PHF19: variants seen among roughly 807,000 people sequenced by gnomAD.
PHF19 encodes the protein PHD finger protein 19, also known as polycomb like 3.
In PHF19, 21 loss-of-function variants were observed where a neutral mutation model predicts 79.8. The ratio of observed to expected loss-of-function variants is 0.26; its 90% confidence interval spans 0.19 to 0.38. The LOEUF is 0.38. Ranked by LOEUF, PHF19 falls within the 10% of genes least tolerant of loss-of-function variation. The pLI, the probability that PHF19 is intolerant of heterozygous loss-of-function variation, is 1.00. For synonymous variants in PHF19, 273 were observed against 296.3 expected, an observed-to-expected ratio of 0.92 and a Z score of 0.81; for missense variants, 445 against 744.2, an observed-to-expected ratio of 0.60 and a Z score of 4.68.
Position 120,862,790 on chromosome 9 carries a change from C to A in PHF19, c.969-41G>T. ...GGGAGGAAGAAGCTCTGGAGTCTGT[C>A]AGTCCATCCTCCTGGGGAGTGGGGT... On this transcript the variant is annotated intron_variant, in intron 10 of 14. Coordinates refer to ENST00000373896, the MANE Select transcript of PHF19 (RefSeq NM_015651.3). The surrounding 1 kb of genome is among the most constrained non-coding windows in gnomAD (Gnocchi z 4.6). The A allele has an allele frequency of 6.3e-7, 1 of 1,599,746 alleles. No individual in the cohort carries two copies. The highest frequency in any genetic ancestry group is 1.1e-5 in the South Asian group (1 of 90,478).
In PHF19 at chr9:120,858,133, G is replaced by A. The variant is rs373609424; in HGVS notation, c.1554C>T (p.Asp518=). The A allele has an allele frequency of 1.9e-6, 3 of 1,613,976 alleles. No homozygotes were observed. The highest frequency in any genetic ancestry group is 2.5e-6 in the Non-Finnish European group (3 of 1,179,828). Residue 518 remains aspartate (D), a synonymous_variant, in exon 15 of 15, where the codon GAC becomes GAT. Coordinates refer to ENST00000373896, the MANE Select transcript of PHF19 (RefSeq NM_015651.3). ...CACTGATGCTCTCAAATGTGTGGCT[G>A]TCAATGCCTTCGTCTGGCCGCTCGG... ...SVPERPDEGI[D]SHTFESISED... is the part of the protein sequence containing the mutation.
In PHF19 at chr9:120,858,265, C is replaced by T; in HGVS notation, c.1422G>A (p.Lys474=). Reference sequence around the variant, plus strand: ...TGTATGCCTTGGCTGCCAGCTTCCTCTTTCGGCTGCCCACTGTCCATCTGT... The same window carrying T: ...TGTATGCCTTGGCTGCCAGCTTCCTTTTTCGGCTGCCCACTGTCCATCTGT... ...YDSRWTVGSR[K]RKLAAKAYMP... Residue 474 remains lysine, a synonymous_variant, in exon 15 of 15, where the codon AAG becomes AAA. Transcript: ENST00000373896. 6.5e-7 allele frequency: 1 copy of T among 1,541,062 alleles called. No individual in the cohort carries two copies. The highest frequency in any genetic ancestry group is 1.2e-5 in the South Asian group (1 of 80,554).
At chr9:120,858,810 A>ATC (rs1554816143) in intron 14 of PHF19, among the ~76,000 whole-genome samples, 1 of 62,084 alleles carries the variant, frequency 1.6e-5, no homozygotes, top group African/African-American at 5.3e-5. Context: ...ACTGACAGAC[A>ATC]TCACACACAC....
intron 1 of PHF19, among the ~76,000 whole-genome samples, chr9:120,889,084 A>G (rs1414137144): frequency 6.6e-6 from 1 of 152,206 alleles, no homozygotes; most frequent in Non-Finnish European, 1.5e-5. Flanking sequence ...GATGCTGGAC[A>G]GATCATAAGT....
chr9:120,857,487 T>C lies in PHF19; in HGVS notation c.*457A>G, dbSNP rs2131464888. Reference sequence around the variant, plus strand: ...CCCATGCTCTCTCAAAGGTGCCTGTTATGTAGTCCCTGGGAGGACTGGCTG... The same window carrying C: ...CCCATGCTCTCTCAAAGGTGCCTGTCATGTAGTCCCTGGGAGGACTGGCTG... On this transcript the variant is annotated 3_prime_UTR_variant, in exon 15 of 15. Transcript: ENST00000373896. 1 of 157,698 alleles carries C rather than the reference T, an allele frequency of 6.3e-6. No homozygotes were observed. The highest frequency in any genetic ancestry group is 1.9e-4 in the East Asian group (1 of 5,344). 9.8% of individuals were successfully genotyped at this position (157,698 alleles called of 1,614,324 possible). A position where few individuals can be genotyped will look rare whatever the true frequency, so the allele number is the denominator to read the frequency against.
At chr9:120,878,522 C>G (rs186670789), upstream of PHF19, among the ~76,000 whole-genome samples, 2 of 152,320 alleles carry the variant, frequency 1.3e-5, no homozygotes, top group African/African-American at 4.8e-5. Context: ...CAGCACCTTC[C>G]CCCAGAGCCT....
chr9:120,870,154 T>G lies in PHF19; in HGVS notation c.365-209A>C, dbSNP rs78392985. 0.095 allele frequency among the ~76,000 whole-genome samples: 14,492 copies of G among 151,990 alleles called. 887 individuals carry two copies. Among genetic ancestry groups the G allele is most frequent in the African/African-American group, 0.17 (6,973 of 41,402 alleles). ...TGACAGCATTGGCCAGTTGTGGGGT[T>G]GGGGGGGACACAGGAAGGTCTGACT... is the stretch of plus-strand genomic sequence containing the variant. On this transcript the variant is annotated intron_variant, in intron 4 of 14. Coordinates refer to ENST00000373896, the MANE Select transcript of PHF19 (RefSeq NM_015651.3). The surrounding 1 kb of genome is among the most constrained non-coding windows in gnomAD (Gnocchi z 4.4).
rs371289334 is a variant in PHF19 at position 120,874,064 on chromosome 9, G to C, written c.187-4C>G. 1.3e-5 allele frequency: 20 copies of C among 1,569,158 alleles called. No homozygotes were observed. The African/African-American group carries it at 2.4e-4, about 19-fold the overall frequency. ...AGCTTTGCTTAGAGCTGCTGACCTG[G>C]GGTACAGATAGGAAGGAGCAAGTGA... On this transcript the variant is annotated splice_polypyrimidine_tract_variant and splice_region_variant and intron_variant, in intron 2 of 14. Coordinates refer to ENST00000373896, the MANE Select transcript of PHF19 (RefSeq NM_015651.3). This position sits in a 1 kb window ranked among gnomAD's most constrained non-coding sequence, Gnocchi z 4.5.
chr9:120,870,157 G>C lies in PHF19; in HGVS notation c.365-212C>G, dbSNP rs2045852358. Among the ~76,000 whole-genome samples, 1 of 152,102 alleles carries C rather than the reference G, an allele frequency of 6.6e-6. No individual in the cohort carries two copies. Among genetic ancestry groups the C allele is most frequent in the South Asian group, 2.1e-4 (1 of 4,830 alleles). ...CAGCATTGGCCAGTTGTGGGGTTGG[G>C]GGGGACACAGGAAGGTCTGACTTCA... On this transcript the variant is annotated intron_variant, in intron 4 of 14. Coordinates refer to ENST00000373896, the MANE Select transcript of PHF19 (RefSeq NM_015651.3). The surrounding 1 kb of genome is among the most constrained non-coding windows in gnomAD (Gnocchi z 4.4).
upstream of PHF19, chr9:120,877,452 C>T (rs938364288): frequency 2.4e-5 from 17 of 715,966 alleles, no homozygotes; most frequent in African/African-American, 3.3e-4. Flanking sequence ...CCCCCGCCCG[C>T]CCCGCGGGCG....
chr9:120,881,514 A>G (rs2046184931), upstream of PHF19, among the ~76,000 whole-genome samples: 1 of 152,144 alleles, frequency 6.6e-6, no homozygotes, highest in South Asian at 2.1e-4. Context: ...TGAGGCAAGT[A>G]TGACCAAGTG....
intron 9 of PHF19, among the ~76,000 whole-genome samples, chr9:120,865,008 T>A (rs767962627): frequency 1.4e-4 from 22 of 152,212 alleles, no homozygotes; most frequent in Non-Finnish European, 2.6e-4. Flanking sequence ...TTTTAAGGTT[T>A]TATAATATCT....
chr9:120,883,858 G>A (rs750388674), intron 1 of PHF19, among the ~76,000 whole-genome samples: 3 of 151,894 alleles, frequency 2.0e-5, no homozygotes, highest in Admixed American at 6.6e-5. Context: ...GGAGGGTGTC[G>A]AGACAAGGAG....
Position 120,870,681 on chromosome 9 carries a change from T to C in PHF19, c.269-143A>G. On this transcript the variant is annotated intron_variant, in intron 3 of 14. Transcript: ENST00000373896. This position sits in a 1 kb window ranked among gnomAD's most constrained non-coding sequence, Gnocchi z 4.4. The stretch of plus-strand genomic sequence containing the variant: ...CCTCACTGAATCTCCCCAACCACTC[T>C]GAGATGCCTATCATCATTACCATTC... 1 of 612,016 alleles carries C rather than the reference T, an allele frequency of 1.6e-6. No homozygotes were observed. Among genetic ancestry groups the C allele is most frequent in the South Asian group, 1.9e-5 (1 of 52,308 alleles). 37.9% of individuals were successfully genotyped at this position (612,016 alleles called of 1,614,324 possible).
chr9:120,886,689 C>A (rs2046268474), intron 1 of PHF19, among the ~76,000 whole-genome samples: 2 of 152,198 alleles, frequency 1.3e-5, no homozygotes, highest in Admixed American at 1.3e-4. Flanking sequence ...AGTCACCGCC[C>A]TCTGGCAGAG....
upstream of PHF19, among the ~76,000 whole-genome samples, chr9:120,878,490 T>C (rs1014308302): frequency 6.6e-6 from 1 of 152,140 alleles, no homozygotes; most frequent in African/African-American, 2.4e-5. Flanking sequence ...GGATATGTGC[T>C]TTCATGGGTG....
Position 120,870,383 on chromosome 9 carries a change from GGC to G in PHF19, c.364+58_364+59del. 1 of 1,027,992 alleles carries G rather than the reference GGC, an allele frequency of 9.7e-7. No homozygotes were observed. Among genetic ancestry groups the G allele is most frequent in the Non-Finnish European group, 1.5e-6 (1 of 651,908 alleles). 63.7% of individuals were successfully genotyped at this position (1,027,992 alleles called of 1,614,324 possible). ...ACAGGCTGCAGCAGTACCCGTCAGG[GGC>G]CAGTGCGTGGGGACCTATAGGTCGG... On this transcript the variant is annotated intron_variant, in intron 4 of 14. Coordinates refer to ENST00000373896, the MANE Select transcript of PHF19 (RefSeq NM_015651.3). This position sits in a 1 kb window ranked among gnomAD's most constrained non-coding sequence, Gnocchi z 4.4.
chr9:120,889,425 CAAA>C (rs35061787), intron 1 of PHF19, among the ~76,000 whole-genome samples: 6 of 100,198 alleles, frequency 6.0e-5, no homozygotes, highest in Non-Finnish European at 7.6e-5. Flanking sequence ...GTCTCCATCT[CAAA>C]AAAAAAAAAA....
chr9:120,863,468 TC>T (rs1292815094), intron 10 of PHF19, among the ~76,000 whole-genome samples: 1 of 151,896 alleles, frequency 6.6e-6, no homozygotes, highest in Non-Finnish European at 1.5e-5. Flanking sequence ...CTGAGGCACA[TC>T]CTAGACAAAG....
Sources: gnomAD v4.1 joint callset for allele counts (sites outside exome capture counted in the v4.1 genomes callset) on GRCh38, gnomAD v4.1.1 for gene constraint, Gnocchi (gnomAD v3.1) non-coding constraint, MANE v1.5 for transcripts, NCBI Gene and HGNC (gene_info 2026-07-23, HGNC 2026-07-21) for gene names.